Variants in PPP3CA observed in about 807,000 individuals in gnomAD.
The protein encoded by PPP3CA is protein phosphatase 3 catalytic subunit alpha, also known as CAM-PRP catalytic subunit.
In PPP3CA, 14 loss-of-function variants were observed where a neutral mutation model predicts 66.5. The observed-to-expected ratio is 0.21, with a 90% CI of 0.14 to 0.33. PPP3CA has a LOEUF of 0.33. Among genes scored for constraint, PPP3CA ranks in the 10% least tolerant of loss-of-function variants. PPP3CA has a pLI of 1.00. For missense variants in PPP3CA, 317 were observed against 639.5 expected (o/e 0.50, Z 5.44); for synonymous variants, 232 against 226.2 (o/e 1.03, Z -0.23).
At chr4:101,051,294 G>T (rs1487861153) in intron 10 of PPP3CA, among the ~76,000 whole-genome samples, 2 of 151,992 alleles carry the variant, frequency 1.3e-5, no homozygotes, top group Non-Finnish European at 2.9e-5. Flanking sequence ...GAACTTTTAA[G>T]TACAGCCTTT....
intron 1 of PPP3CA, among the ~76,000 whole-genome samples, chr4:101,238,961 C>T (rs1480900146): frequency 6.6e-6 from 1 of 151,996 alleles, no homozygotes; most frequent in Non-Finnish European, 1.5e-5. Flanking sequence ...CCAGTACTAC[C>T]AAGTATAACA....
chr4:101,117,458 T>A (rs1411501113), intron 2 of PPP3CA, among the ~76,000 whole-genome samples: 2 of 151,274 alleles, frequency 1.3e-5, no homozygotes, highest in East Asian at 3.9e-4. Context: ...TTTTGCAGTT[T>A]TTCCTCCATT....
intron 8 of PPP3CA, among the ~76,000 whole-genome samples, chr4:101,071,006 C>A (rs1327162072): frequency 6.6e-6 from 1 of 152,144 alleles, no homozygotes; most frequent in Non-Finnish European, 1.5e-5. Flanking sequence ...TATAATAATG[C>A]TAAAGTGAGG....
At chr4:101,137,106 A>G (rs1470364618) in intron 2 of PPP3CA, among the ~76,000 whole-genome samples, 1 of 152,118 alleles carries the variant, frequency 6.6e-6, no homozygotes, top group Non-Finnish European at 1.5e-5. Context: ...GATTAGTATA[A>G]TTTTCCTTGA....
At chr4:101,153,810 A>G (rs1723219316) in intron 2 of PPP3CA, among the ~76,000 whole-genome samples, 2 of 152,310 alleles carry the variant, frequency 1.3e-5, no homozygotes, top group South Asian at 2.1e-4. Context: ...TCAGAACCAC[A>G]TTAAGAGAAC....
chr4:101,181,805 G>A (rs774414207), intron 2 of PPP3CA, among the ~76,000 whole-genome samples: 55 of 152,042 alleles, frequency 3.6e-4, no homozygotes, highest in Non-Finnish European at 5.1e-4. Context: ...AAATTATGAG[G>A]AGACTTACAT....
chr4:101,103,243 C>G (rs539542745), intron 3 of PPP3CA, among the ~76,000 whole-genome samples: 8 of 152,282 alleles, frequency 5.3e-5, no homozygotes, highest in African/African-American at 1.9e-4. Context: ...AGAAAATGGA[C>G]AGCTTTAGGT....
At chr4:101,041,751 A>G (rs1367880557) in intron 10 of PPP3CA, among the ~76,000 whole-genome samples, 2 of 152,090 alleles carry the variant, frequency 1.3e-5, no homozygotes, top group Non-Finnish European at 2.9e-5. Context: ...TTATAATCCA[A>G]GGTAAAATGG....
chr4:101,178,348 A>T (rs981427643), intron 2 of PPP3CA, among the ~76,000 whole-genome samples: 1 of 152,176 alleles, frequency 6.6e-6, no homozygotes, highest in Non-Finnish European at 1.5e-5. Flanking sequence ...CAGTAGCATG[A>T]TGAATACTTA....
At chr4:101,214,837 T>C (rs1725408416) in intron 1 of PPP3CA, among the ~76,000 whole-genome samples, 1 of 152,124 alleles carries the variant, frequency 6.6e-6, no homozygotes, top group East Asian at 1.9e-4. Context: ...TACATAGAAA[T>C]CCACAATCAC....
At chr4:101,333,653 T>C (rs1050664970) in intron 1 of PPP3CA, among the ~76,000 whole-genome samples, 4 of 152,138 alleles carry the variant, frequency 2.6e-5, no homozygotes, top group Non-Finnish European at 4.4e-5. Flanking sequence ...TAACACTGAC[T>C]AACATGTTAG....
At chr4:101,255,204 T>C (rs1477700943) in intron 1 of PPP3CA, among the ~76,000 whole-genome samples, 3 of 151,820 alleles carry the variant, frequency 2.0e-5, no homozygotes, top group African/African-American at 7.2e-5. Flanking sequence ...CAATTTTGTT[T>C]CTCCTCTCTG....
Position 101,144,076 on chromosome 4 carries a change from T to C in PPP3CA, c.260-34998A>G, listed in dbSNP as rs192815099. 4.8e-3 allele frequency among the ~76,000 whole-genome samples: 734 copies of C among 152,294 alleles called. 3 individuals carry two copies. The highest frequency in any genetic ancestry group is 0.01 in the Middle Eastern group (3 of 294). ...TTAAATATTTATTAAAATCCTATCA[T>C]CTTTACCACCACTGCTGTTGCCACT... is the stretch of plus-strand genomic sequence containing the variant. On this transcript the variant is annotated intron_variant, in intron 2 of 13. Coordinates refer to ENST00000394854, the MANE Select transcript of PPP3CA (RefSeq NM_000944.5).
chr4:101,159,583 A>T (rs1723435973), intron 2 of PPP3CA, among the ~76,000 whole-genome samples: 1 of 152,168 alleles, frequency 6.6e-6, no homozygotes, highest in African/African-American at 2.4e-5. Flanking sequence ...TGTCAAAAGA[A>T]AGACAGCTTT....
chr4:101,294,801 T>G (rs532518611), intron 1 of PPP3CA, among the ~76,000 whole-genome samples: 2 of 152,002 alleles, frequency 1.3e-5, no homozygotes, highest in African/African-American at 4.8e-5. Flanking sequence ...CTCTTGCTAG[T>G]TGTAGCGATG....
intron 2 of PPP3CA, among the ~76,000 whole-genome samples, chr4:101,128,484 C>G (rs911249703): frequency 6.6e-6 from 1 of 151,966 alleles, no homozygotes; most frequent in African/African-American, 2.4e-5. Flanking sequence ...CAGCTCCTGT[C>G]TGCAGCTCCC....
chr4:101,226,186 T>TA (rs2110218622), intron 1 of PPP3CA, among the ~76,000 whole-genome samples: 1 of 151,874 alleles, frequency 6.6e-6, no homozygotes, highest in East Asian at 1.9e-4. Flanking sequence ...GTGATATCTG[T>TA]GAACTATTCA....
intron 2 of PPP3CA, among the ~76,000 whole-genome samples, chr4:101,163,969 TA>T (rs1723604201): frequency 6.6e-6 from 1 of 151,382 alleles, no homozygotes; most frequent in Admixed American, 6.6e-5. Context: ...ATTTTTATTT[TA>T]TTTTTTATTT....
At chr4:101,278,136 A>T (rs796353372) in intron 1 of PPP3CA, among the ~76,000 whole-genome samples, 4,163 of 145,900 alleles carry the variant, frequency 0.029, 109 homozygotes, top group Middle Eastern at 0.056. Flanking sequence ...AAAAAAAAAA[A>T]AAATAAAAAA....
Sources: allele counts gnomAD v4.1 joint callset (sites outside exome capture counted in the v4.1 genomes callset), GRCh38; gene constraint gnomAD v4.1.1; transcripts MANE v1.5; gene names NCBI Gene and HGNC (gene_info 2026-07-23, HGNC 2026-07-21).